Variants in TMEM17 observed in about 807,000 individuals in gnomAD.
TMEM17 encodes the protein transmembrane protein 17.
Under a neutral mutation model 19.1 loss-of-function variants are expected in TMEM17, and 15 were observed. That is an observed-to-expected ratio of 0.78 (90% CI 0.52 to 1.21). The LOEUF (loss-of-function observed/expected upper bound fraction) is 1.21. Among genes scored for constraint, TMEM17 ranks in the 50% most tolerant of loss-of-function variants. The pLI, the probability that TMEM17 is intolerant of heterozygous loss-of-function variation, is 0.00. For missense variants in TMEM17, 245 were observed against 242.3 expected (o/e 1.01, Z -0.07); for synonymous variants, 103 against 86.9 (o/e 1.19, Z -1.03).
the TMEM17 span, among the ~76,000 whole-genome samples, chr2:62,482,891 G>C: frequency 6.6e-6 from 1 of 152,156 alleles, no homozygotes; most frequent in Non-Finnish European, 1.5e-5. Context: ...TTCGTCAGTT[G>C]CTAAAAAGAG....
the TMEM17 span, among the ~76,000 whole-genome samples, chr2:62,464,315 T>C: frequency 6.6e-6 from 1 of 152,214 alleles, no homozygotes. Context: ...ATCTGGATGC[T>C]GCTGCAGGGC....
At chr2:62,498,702 CGA>C (rs1357391743), downstream of TMEM17, among the ~76,000 whole-genome samples, 1 of 142,820 alleles carries the variant, frequency 7.0e-6, no homozygotes, top group African/African-American at 2.7e-5. Flanking sequence ...GGCGACAGAG[CGA>C]GACTCCGTCT....
the TMEM17 span, among the ~76,000 whole-genome samples, chr2:62,465,625 A>G: frequency 2.0e-5 from 3 of 151,532 alleles, no homozygotes; most frequent in East Asian, 5.8e-4. Context: ...GCATTTTGTG[A>G]GGAGTAAAAG....
chr2:62,458,764 C>G, the TMEM17 span, among the ~76,000 whole-genome samples: 1 of 152,190 alleles, frequency 6.6e-6, no homozygotes, highest in Non-Finnish European at 1.5e-5. Flanking sequence ...TGTAGCAACT[C>G]AGGGCGAGGC....
chr2:62,456,720 T>G, the TMEM17 span, among the ~76,000 whole-genome samples: 2 of 152,174 alleles, frequency 1.3e-5, no homozygotes, highest in Non-Finnish European at 2.9e-5. Context: ...GAGGAAGACA[T>G]CAGGCTGAAG....
At position 62,505,432 on chromosome 2, in the gene TMEM17, G is replaced by A. The variant is rs201503783; in HGVS notation, c.100+598C>T. On this transcript the variant is annotated intron_variant, in intron 1 of 3. Coordinates refer to ENST00000335390, the MANE Select transcript of TMEM17 (RefSeq NM_198276.3). The stretch of plus-strand genomic sequence containing the variant: ...CCCGGCTAGTATGGCACATGCCAGT[G>A]GGAGTGGATGGTGGTTTGAAAGGAC... Among the ~76,000 whole-genome samples, 5 of 152,300 alleles carry A rather than the reference G, an allele frequency of 3.3e-5. No individual in the cohort carries two copies. The East Asian group carries it at 7.7e-4, about 23-fold the overall frequency.
In TMEM17 at chr2:62,501,097, A is replaced by G; in HGVS notation, c.*112T>C. The G allele has an allele frequency of 8.2e-7, 1 of 1,220,122 alleles. No individual in the cohort carries two copies. Among genetic ancestry groups the G allele is most frequent in the Non-Finnish European group, 1.1e-6 (1 of 871,488 alleles). 75.6% of individuals were successfully genotyped at this position (1,220,122 alleles called of 1,614,324 possible). On this transcript the variant is annotated 3_prime_UTR_variant, in exon 4 of 4. Coordinates refer to ENST00000335390, the MANE Select transcript of TMEM17 (RefSeq NM_198276.3). Reference sequence around the variant, plus strand: ...CCCAACCTTGGAATTTCAGAGTGAGAGCATATACAATTCAAAACACTTGCT... The same window carrying G: ...CCCAACCTTGGAATTTCAGAGTGAGGGCATATACAATTCAAAACACTTGCT...
At chr2:62,498,788 ATGTT>A (rs1462929544), downstream of TMEM17, among the ~76,000 whole-genome samples, 1 of 152,028 alleles carries the variant, frequency 6.6e-6, no homozygotes, top group East Asian at 1.9e-4. Context: ...AAAGGACAAA[ATGTT>A]TGTGAAGTTC....
At chr2:62,459,857 C>T in the TMEM17 span, among the ~76,000 whole-genome samples, 1 of 152,248 alleles carries the variant, frequency 6.6e-6, no homozygotes, top group Non-Finnish European at 1.5e-5. Flanking sequence ...ACTGTAGCCT[C>T]TAACTCCTGG....
At chr2:62,483,362 C>T in the TMEM17 span, among the ~76,000 whole-genome samples, 5 of 152,080 alleles carry the variant, frequency 3.3e-5, no homozygotes, top group African/African-American at 7.2e-5. Context: ...AGGTCAAGAG[C>T]GAAGGCTTTG....
In TMEM17 at chr2:62,501,373, T is replaced by C. The variant is rs771875781; in HGVS notation, c.433A>G (p.Ile145Val). 2.5e-6 allele frequency: 4 copies of C among 1,614,072 alleles called. No homozygotes were observed. Among genetic ancestry groups the C allele is most frequent in the South Asian group, 2.2e-5 (2 of 91,086 alleles). Reference protein sequence around the residue: ...TNLPLEKAIHIIFTLFLAFQV... With the variant: ...TNLPLEKAIHVIFTLFLAFQV... ...AAAGCAAGGAAGAGAGTGAAGATGA[T>C]ATGTATCGCTTTTTCCAAGGGCAGA... The change falls in exon 4 of 4, where the codon ATC (isoleucine) becomes GTC (valine). Residue 145 changes from isoleucine (I) to valine (V), a missense_variant. By Grantham distance (29) the Ile-to-Val change is conservative. Coordinates refer to ENST00000335390, the MANE Select transcript of TMEM17 (RefSeq NM_198276.3).
At chr2:62,472,041 C>T in the TMEM17 span, among the ~76,000 whole-genome samples, 1 of 152,206 alleles carries the variant, frequency 6.6e-6, no homozygotes, top group Non-Finnish European at 1.5e-5. Context: ...TGAAGCCAAC[C>T]TTGGCGGGGT....
At chr2:62,456,605 G>C in the TMEM17 span, among the ~76,000 whole-genome samples, 1 of 152,208 alleles carries the variant, frequency 6.6e-6, no homozygotes, top group Non-Finnish European at 1.5e-5. Context: ...GGTTCCAGGG[G>C]TTAGGACCTG....
chr2:62,457,218 C>A, the TMEM17 span, among the ~76,000 whole-genome samples: 10 of 152,254 alleles, frequency 6.6e-5, no homozygotes, highest in Non-Finnish European at 1.2e-4. The surrounding 1 kb of genome is among the most constrained non-coding windows in gnomAD (Gnocchi z 4.2). Flanking sequence ...GCCGTGCGGG[C>A]TGCTGCTTCG....
downstream of TMEM17, among the ~76,000 whole-genome samples, chr2:62,497,087 ATC>A (rs1253028184): frequency 1.3e-5 from 2 of 152,242 alleles, no homozygotes; most frequent in Non-Finnish European, 2.9e-5. Flanking sequence ...CCCTCCTAAT[ATC>A]TGTTTTAAAA....
At chr2:62,466,071 G>C in the TMEM17 span, among the ~76,000 whole-genome samples, 1 of 152,168 alleles carries the variant, frequency 6.6e-6, no homozygotes, top group Non-Finnish European at 1.5e-5. Context: ...CCCAAATCAG[G>C]AGGGGTCCCC....
At chr2:62,505,746 T>C (rs917403172) in intron 1 of TMEM17, among the ~76,000 whole-genome samples, 2 of 151,702 alleles carry the variant, frequency 1.3e-5, no homozygotes, top group African/African-American at 4.9e-5. Context: ...GGGACAATGA[T>C]GGGCCTTGCG....
At chr2:62,486,224 G>C in the TMEM17 span, among the ~76,000 whole-genome samples, 1 of 152,086 alleles carries the variant, frequency 6.6e-6, no homozygotes, top group Non-Finnish European at 1.5e-5. Context: ...CTCCAGGGCA[G>C]GATTTTCATT....
chr2:62,501,001 T>C lies in TMEM17; in HGVS notation c.*208A>G, dbSNP rs1679912144. The C allele has an allele frequency of 9.4e-6, 4 of 425,610 alleles. No individual in the cohort carries two copies. The South Asian group carries it at 3.4e-4, about 36-fold the overall frequency. 26.4% of individuals were successfully genotyped at this position (425,610 alleles called of 1,614,324 possible). On this transcript the variant is annotated 3_prime_UTR_variant, in exon 4 of 4. Transcript: ENST00000335390. Reference sequence around the variant, plus strand: ...TCAAAAAAAATTAAGAAATTTGGCATCAGGTGGACAACATCTAGGTTTTAG... The same window carrying C: ...TCAAAAAAAATTAAGAAATTTGGCACCAGGTGGACAACATCTAGGTTTTAG...
Sources: allele counts gnomAD v4.1 joint callset (sites outside exome capture counted in the v4.1 genomes callset), GRCh38; gene constraint gnomAD v4.1.1; non-coding constraint Gnocchi (gnomAD v3.1); transcripts MANE v1.5; gene names NCBI Gene and HGNC (gene_info 2026-07-23, HGNC 2026-07-21).